Variants in MED17 observed in about 807,000 individuals in gnomAD.
MED17 encodes mediator complex subunit 17.
MED17 carries 49 observed loss-of-function variants against 80.8 expected under a neutral mutation model. The ratio of observed to expected loss-of-function variants is 0.61; its 90% CI spans 0.48 to 0.77. The LOEUF (loss-of-function observed/expected upper bound fraction) is 0.77. MED17 is among the 30% of genes least tolerant of loss of function. The probability of loss-of-function intolerance (pLI) is 0.00; values close to 1 mark genes in which losing one functional copy is unlikely to be tolerated. For missense variants in MED17, 718 were observed against 787.0 expected, an observed-to-expected ratio of 0.91 and a Z score of 1.05; for synonymous variants, 281 against 280.4, an observed-to-expected ratio of 1.00 and a Z score of -0.02.
intron 1 of MED17, among the ~76,000 whole-genome samples, chr11:93,787,592 A>G (rs1398907572): frequency 2.0e-5 from 3 of 152,136 alleles, no homozygotes; most frequent in Admixed American, 6.5e-5. Flanking sequence ...ACTTTTTTTA[A>G]TGGTTAAAAG....
intron 3 of MED17, among the ~76,000 whole-genome samples, chr11:93,791,503 G>A (rs997260094): frequency 1.3e-5 from 2 of 151,922 alleles, no homozygotes; most frequent in Non-Finnish European, 2.9e-5. Flanking sequence ...TTAGGAATTC[G>A]ATACCAGCCT....
At chr11:93,784,813 C>A in intron 1 of MED17, 50 bp downstream of exon 1, 1 of 1,530,796 alleles carries the variant, frequency 6.5e-7, no homozygotes, top group Non-Finnish European at 8.7e-7. Flanking sequence ...TCCCAGCACC[C>A]GCGCGGGCCT....
chr11:93,793,407 A>T, intron 3 of MED17: 1 of 272,724 alleles, frequency 3.7e-6, no homozygotes, highest in Non-Finnish European at 7.0e-6. Flanking sequence ...ATGAGCCACC[A>T]TGCCTGCCCT....
chr11:93,809,349 A>G, intron 10 of MED17: 4 of 354,598 alleles, frequency 1.1e-5, no homozygotes, highest in South Asian at 4.4e-5. Context: ...GAAGGTATTA[A>G]TGTAACCACG....
At chr11:93,803,765 G>A (rs939142060) in intron 9 of MED17, among the ~76,000 whole-genome samples, 11 of 151,882 alleles carry the variant, frequency 7.2e-5, no homozygotes, top group African/African-American at 2.7e-4. Flanking sequence ...TTAGAACTAA[G>A]ACTAAAACTG....
chr11:93,790,130 T>C (rs780736003), intron 2 of MED17: 4 of 241,514 alleles, frequency 1.7e-5, no homozygotes, highest in Non-Finnish European at 2.5e-5. Flanking sequence ...CCAGGCATTG[T>C]TCTAGGGTTT....
intron 3 of MED17, chr11:93,793,498 C>T (rs1943864246): frequency 2.2e-6 from 1 of 459,126 alleles, no homozygotes; most frequent in South Asian, 2.5e-5. Context: ...ATGTTGATGT[C>T]ATTAGACTAA....
rs1436267488 is a variant in MED17 at position 93,795,140 on chromosome 11, T to C, written c.1012+80T>C. ...AGGACAGAGAAGGTAGCTCTTAGGGTGTATTGGGAGAATAATGAGAGCAAA... is the reference window on the plus strand; with the variant it reads ...AGGACAGAGAAGGTAGCTCTTAGGGCGTATTGGGAGAATAATGAGAGCAAA... On this transcript the variant is annotated intron_variant, in intron 6 of 11. Coordinates refer to ENST00000251871, the MANE Select transcript of MED17 (RefSeq NM_004268.5). 7 of 1,472,254 alleles carry C rather than the reference T, an allele frequency of 4.8e-6. No individual in the cohort carries two copies. The African/African-American group carries it at 9.7e-5, about 20-fold the overall frequency. The allele number at this position is 1,472,254 out of a possible 1,614,324, so 91.2% of individuals were successfully genotyped here. A position where few individuals can be genotyped will look rare whatever the true frequency, so the allele number is the denominator to read the frequency against.
intron 6 of MED17, 149 bp downstream of exon 6, chr11:93,795,209 C>G: frequency 1.1e-6 from 1 of 873,656 alleles, no homozygotes; most frequent in Non-Finnish European, 1.9e-6. Context: ...AAGCATGTAA[C>G]ACAAACTATA....
chr11:93,808,065 G>T (rs1944044406), intron 10 of MED17: 1 of 228,384 alleles, frequency 4.4e-6, no homozygotes, highest in Non-Finnish European at 8.7e-6. Context: ...GGGCAGTATA[G>T]AAAGTGATGG....
intron 1 of MED17, among the ~76,000 whole-genome samples, chr11:93,787,075 T>C (rs1005459687): frequency 4.0e-5 from 6 of 151,748 alleles, no homozygotes; most frequent in African/African-American, 1.2e-4. Context: ...TAATAGAAAA[T>C]TGGAAATAGA....
At chr11:93,803,447 T>G (rs906292621) in intron 9 of MED17, among the ~76,000 whole-genome samples, 17 of 152,084 alleles carry the variant, frequency 1.1e-4, no homozygotes, top group African/African-American at 3.9e-4. Flanking sequence ...TGGAATAAAG[T>G]AGAGTCATAG....
In MED17 at chr11:93,784,331, G is replaced by C. The variant is rs552615583; in HGVS notation, c.-183G>C. 1.7e-5 allele frequency: 13 copies of C among 785,038 alleles called. No homozygotes were observed. The South Asian group carries it at 2.6e-4, about 16-fold the overall frequency. The allele number at this position is 785,038 out of a possible 1,614,324, so 48.6% of individuals were successfully genotyped here. A position where few individuals can be genotyped will look rare whatever the true frequency, so the allele number is the denominator to read the frequency against. ...AGGAGGGAGCTTGCGGTGCGTTCTG[G>C]GAAAGTTGCTGGGCCAGCTCCTTTG... On this transcript the variant is annotated 5_prime_UTR_variant, in exon 1 of 12. Coordinates refer to ENST00000251871, the MANE Select transcript of MED17 (RefSeq NM_004268.5).
chr11:93,812,182 A>G lies in MED17; in HGVS notation c.*118A>G, dbSNP rs1944091784. On this transcript the variant is annotated 3_prime_UTR_variant, in exon 12 of 12. Transcript: ENST00000251871. ...AAAGAGTGCTGTTTTTAAAAATAAT[A>G]ATTAGGAAATGTTTATTTAGCACTT... The G allele has an allele frequency of 1.2e-6, 1 of 864,690 alleles. No individual in the cohort carries two copies. The highest frequency in any genetic ancestry group is 1.9e-6 in the Non-Finnish European group (1 of 536,720). 53.6% of individuals were successfully genotyped at this position (864,690 alleles called of 1,614,324 possible).
intron 3 of MED17, 68 bp from the exon 4 acceptor site, chr11:93,793,660 A>G: frequency 2.6e-6 from 3 of 1,167,808 alleles, no homozygotes; most frequent in South Asian, 1.3e-5. Flanking sequence ...AGTATTATAT[A>G]TTTAATAATG....
chr11:93,789,719 C>T (rs1024914210), intron 2 of MED17: 1 of 149,658 alleles, frequency 6.7e-6, no homozygotes, highest in Admixed American at 6.7e-5. Context: ...CCTGTAATTC[C>T]AACACTTTGG....
Position 93,801,957 on chromosome 11 carries a change from A to G in MED17, c.1451A>G (p.Tyr484Cys), listed in dbSNP as rs1166133353. 2.5e-6 allele frequency: 4 copies of G among 1,612,190 alleles called. No homozygotes were observed. The highest frequency in any genetic ancestry group is 1.7e-5 in the Admixed American group (1 of 59,974). The change falls in exon 9 of 12, where the codon TAT becomes TGT. Residue 484 changes from tyrosine to cysteine, a missense_variant. Coordinates refer to ENST00000251871, the MANE Select transcript of MED17 (RefSeq NM_004268.5). Reference protein sequence around the residue: ...SVKVLITSQGYEQICKSIQLQ... With the variant: ...SVKVLITSQGCEQICKSIQLQ... ...AAAGTTTTAATCACATCACAAGGCT[A>G]TGAACAAATATGCAAGTAAGTGGCC...
chr11:93,809,609 T>C, intron 10 of MED17, 108 bp from the exon 11 acceptor site: 2 of 1,113,890 alleles, frequency 1.8e-6, no homozygotes, highest in East Asian at 2.3e-5. Flanking sequence ...ATAGGGTTGC[T>C]GTAGTAGTCA....
chr11:93,800,810 T>A (rs1018156425), intron 8 of MED17: 19 of 152,048 alleles, frequency 1.2e-4, no homozygotes, highest in Admixed American at 1.1e-3. Flanking sequence ...CTTATTTTTT[T>A]TTTATTTATA....
Sources: gnomAD v4.1 joint callset for allele counts (sites outside exome capture counted in the v4.1 genomes callset) on GRCh38, gnomAD v4.1.1 for gene constraint, MANE v1.5 for transcripts, NCBI Gene and HGNC (gene_info 2026-07-23, HGNC 2026-07-21) for gene names.